Variants in MEOX2 observed in about 807,000 individuals in gnomAD.
MEOX2 encodes the protein homeobox protein MOX-2.
A neutral mutation model predicts 27.0 loss-of-function variants in MEOX2; 11 were observed. The observed-to-expected ratio is 0.41, with a 90% CI of 0.26 to 0.68. The LOEUF (loss-of-function observed/expected upper bound fraction) is 0.68, where lower values mean the gene tolerates loss of function less well. Among genes scored for constraint, MEOX2 ranks in the 30% least tolerant of loss-of-function variants. MEOX2 has a pLI of 0.33. For synonymous variants in MEOX2, 189 were observed against 155.4 expected (o/e 1.22, Z -1.61); for missense variants, 436 against 385.4 (o/e 1.13, Z -1.10).
intron 2 of MEOX2, among the ~76,000 whole-genome samples, chr7:15,619,872 C>A (rs1781192920): frequency 6.6e-6 from 1 of 151,704 alleles, no homozygotes. Flanking sequence ...TAGTCTTTTA[C>A]TTTATACAGG....
chr7:15,660,869 C>A (rs537707576), intron 1 of MEOX2, among the ~76,000 whole-genome samples: 1 of 151,792 alleles, frequency 6.6e-6, no homozygotes, highest in Non-Finnish European at 1.5e-5. Flanking sequence ...AAAAATCAGC[C>A]AGGCATGATG....
chr7:15,651,160 G>C (rs750744014), intron 1 of MEOX2, among the ~76,000 whole-genome samples: 85 of 151,996 alleles, frequency 5.6e-4, no homozygotes, highest in Non-Finnish European at 9.6e-4. Context: ...AATTGAGAGG[G>C]AGTGGGGAAT....
intron 1 of MEOX2, among the ~76,000 whole-genome samples, chr7:15,637,928 A>G (rs1444823542): frequency 1.3e-5 from 2 of 152,086 alleles, no homozygotes; most frequent in Admixed American, 1.3e-4. Context: ...ATACAAACCT[A>G]CTATTAGTAA....
At chr7:15,681,153 C>T (rs907832746) in intron 1 of MEOX2, 4 of 151,694 alleles carry the variant, frequency 2.6e-5, no homozygotes, top group Admixed American at 6.6e-5. Flanking sequence ...TAGTATTTAT[C>T]GCTCAAAGAT....
intron 2 of MEOX2, among the ~76,000 whole-genome samples, chr7:15,626,295 A>G (rs1178468773): frequency 6.6e-6 from 1 of 152,110 alleles, no homozygotes; most frequent in Non-Finnish European, 1.5e-5. Context: ...TGAGTAAGTA[A>G]TGAACATTTT....
chr7:15,631,268 T>TATCA lies in MEOX2; in HGVS notation c.518-4354_518-4351dup, dbSNP rs769194147. ...ATCATTGTACCTGCTGAGCAGTGATTATCAATTGGCAGATGTACTCTTTTT... is the reference window on the plus strand; with the variant it reads ...ATCATTGTACCTGCTGAGCAGTGATTATCAATCAATTGGCAGATGTACTCTTTTT... On this transcript the variant is annotated intron_variant, in intron 1 of 2. Transcript: ENST00000262041. 3.3e-5 allele frequency among the ~76,000 whole-genome samples: 5 copies of TATCA among 152,024 alleles called. No individual in the cohort carries two copies. The East Asian group carries it at 9.7e-4, about 29-fold the overall frequency.
intron 1 of MEOX2, among the ~76,000 whole-genome samples, chr7:15,647,558 A>G (rs1302115482): frequency 6.6e-6 from 1 of 152,096 alleles, no homozygotes; most frequent in East Asian, 1.9e-4. Flanking sequence ...TCTCAAGGAT[A>G]ATGATCTAGG....
chr7:15,682,886 G>A (rs1782315159), intron 1 of MEOX2, among the ~76,000 whole-genome samples: 1 of 151,856 alleles, frequency 6.6e-6, no homozygotes, highest in Non-Finnish European at 1.5e-5. Flanking sequence ...AAGCGTAGCA[G>A]GTTCAAAGTT....
At chr7:15,632,812 A>G (rs951782904) in intron 1 of MEOX2, among the ~76,000 whole-genome samples, 2 of 151,950 alleles carry the variant, frequency 1.3e-5, no homozygotes, top group Non-Finnish European at 2.9e-5. Context: ...AGAGCCCAGA[A>G]TTGACTTTAT....
chr7:15,639,947 T>C (rs1322380674), intron 1 of MEOX2, among the ~76,000 whole-genome samples: 2 of 152,190 alleles, frequency 1.3e-5, no homozygotes, highest in Non-Finnish European at 2.9e-5. Flanking sequence ...TTGCTTACGA[T>C]TGCTTTGGCT....
chr7:15,681,220 T>A (rs931742901), intron 1 of MEOX2: 3 of 151,856 alleles, frequency 2.0e-5, no homozygotes, highest in African/African-American at 7.2e-5. Context: ...AATTTAGAAA[T>A]AAATTCCTGA....
chr7:15,641,399 T>C (rs1164731528), intron 1 of MEOX2, among the ~76,000 whole-genome samples: 1 of 152,146 alleles, frequency 6.6e-6, no homozygotes, highest in Non-Finnish European at 1.5e-5. Context: ...TAACTGTTGT[T>C]GGTTTGAAGT....
rs145409943 is a variant in MEOX2, at chr7:15,637,986, T to G, written c.518-11068A>C. Reference sequence around the variant, plus strand: ...GAGTAGGATGGTACTGTTACATTTATTAGCCTTTTCTAAGTCAAATTTATT... The same window carrying G: ...GAGTAGGATGGTACTGTTACATTTAGTAGCCTTTTCTAAGTCAAATTTATT... On this transcript the variant is annotated intron_variant, in intron 1 of 2. Coordinates refer to ENST00000262041, the MANE Select transcript of MEOX2 (RefSeq NM_005924.5). Among the ~76,000 whole-genome samples, 839 of 152,234 alleles carry G rather than the reference T, an allele frequency of 5.5e-3. 11 individuals are homozygous for G. Among genetic ancestry groups the G allele is most frequent in the African/African-American group, 0.018 (767 of 41,562 alleles).
intron 2 of MEOX2, among the ~76,000 whole-genome samples, chr7:15,624,581 C>T (rs1299234967): frequency 6.6e-6 from 1 of 152,114 alleles, no homozygotes; most frequent in Non-Finnish European, 1.5e-5. Context: ...GGAAGGATCC[C>T]AAGCTAGCCT....
intron 1 of MEOX2, among the ~76,000 whole-genome samples, chr7:15,649,388 G>T (rs913705190): frequency 3.3e-5 from 5 of 151,926 alleles, no homozygotes; most frequent in African/African-American, 1.2e-4. Flanking sequence ...AAACATCGAA[G>T]AACATACTTT....
chr7:15,615,373 T>C (rs976336983), intron 2 of MEOX2, among the ~76,000 whole-genome samples: 23 of 151,726 alleles, frequency 1.5e-4, no homozygotes, highest in African/African-American at 5.6e-4. Context: ...GGTTTTTTTG[T>C]TTGTTTGTTT....
intron 2 of MEOX2, among the ~76,000 whole-genome samples, chr7:15,620,813 T>G (rs185528706): frequency 6.6e-6 from 1 of 152,354 alleles, no homozygotes. Flanking sequence ...ATCATTAATT[T>G]AGTCTGTTTA....
chr7:15,622,647 A>T (rs1781238541), intron 2 of MEOX2, among the ~76,000 whole-genome samples: 1 of 152,192 alleles, frequency 6.6e-6, no homozygotes, highest in East Asian at 1.9e-4. Context: ...CTAGGGAAGG[A>T]TGTTGTTTAA....
Position 15,673,881 on chromosome 7 carries a change from A to AT in MEOX2, c.517+12004dup, listed in dbSNP as rs1161517467. On this transcript the variant is annotated intron_variant, in intron 1 of 2. Coordinates refer to ENST00000262041, the MANE Select transcript of MEOX2 (RefSeq NM_005924.5). ...TATTCACATTAGAAAATATCAGAACATTGTCTTAAACTCCTAACATTAAGC... is the reference window on the plus strand; with the variant it reads ...TATTCACATTAGAAAATATCAGAACATTTGTCTTAAACTCCTAACATTAAGC... 2.6e-5 allele frequency among the ~76,000 whole-genome samples: 4 copies of AT among 152,244 alleles called. No individual in the cohort carries two copies. In the East Asian group the frequency reaches 7.7e-4, roughly 29 times the overall value.
Sources: allele counts gnomAD v4.1 joint callset (sites outside exome capture counted in the v4.1 genomes callset), GRCh38; gene constraint gnomAD v4.1.1; transcripts MANE v1.5; gene names NCBI Gene and HGNC (gene_info 2026-07-23, HGNC 2026-07-21).